NEGR1: variants seen among roughly 807,000 people sequenced by gnomAD.
NEGR1 encodes the protein IgLON family member 4.
Under a neutral mutation model 40.9 loss-of-function variants are expected in NEGR1, and 10 were observed. The observed-to-expected ratio is 0.24, with a 90% CI of 0.15 to 0.42. The LOEUF (loss-of-function observed/expected upper bound fraction) is 0.42. NEGR1 is among the 10% of genes least tolerant of loss of function. The pLI is 1.00. For synonymous variants in NEGR1, 185 were observed against 166.8 expected, an observed-to-expected ratio of 1.11 and a Z score of -0.84; for missense variants, 352 against 438.9, an observed-to-expected ratio of 0.80 and a Z score of 1.77.
At chr1:71,508,071 T>C (rs1557549801) in intron 6 of NEGR1, among the ~76,000 whole-genome samples, 1 of 152,164 alleles carries the variant, frequency 6.6e-6, no homozygotes, top group Non-Finnish European at 1.5e-5. Context: ...TAAGAAATTA[T>C]ATACTGGCCC....
At chr1:71,632,992 T>G (rs1339550318) in intron 4 of NEGR1, among the ~76,000 whole-genome samples, 1 of 152,116 alleles carries the variant, frequency 6.6e-6, no homozygotes, top group African/African-American at 2.4e-5. Context: ...ATGAATTAAT[T>G]AATCAGGTAT....
intron 4 of NEGR1, among the ~76,000 whole-genome samples, chr1:71,627,141 A>G (rs1428381624): frequency 6.6e-6 from 1 of 152,128 alleles, no homozygotes; most frequent in African/African-American, 2.4e-5. Flanking sequence ...CCATCCCATT[A>G]CTGGGTATAT....
At chr1:71,638,764 C>T (rs1041676) in intron 4 of NEGR1, among the ~76,000 whole-genome samples, 38,126 of 151,696 alleles carry the variant, frequency 0.25, 5,881 homozygotes, top group East Asian at 0.48. Context: ...CAGAGAAGAA[C>T]GTTATTAATA....
At chr1:71,444,805 A>G (rs1397454481) in intron 6 of NEGR1, among the ~76,000 whole-genome samples, 2 of 152,200 alleles carry the variant, frequency 1.3e-5, no homozygotes, top group African/African-American at 4.8e-5. Context: ...TAGTCACATG[A>G]CATGATATAT....
At chr1:71,778,792 T>C (rs190475300) in intron 2 of NEGR1, among the ~76,000 whole-genome samples, 138 of 152,326 alleles carry the variant, frequency 9.1e-4, no homozygotes, top group Non-Finnish European at 1.4e-3. Context: ...GTCAATACTG[T>C]CTGATCAAAA....
intron 6 of NEGR1, among the ~76,000 whole-genome samples, chr1:71,443,046 T>C (rs1228976576): frequency 1.3e-5 from 2 of 152,222 alleles, no homozygotes; most frequent in African/African-American, 4.8e-5. Flanking sequence ...TTGAGTAATA[T>C]TTGTTCACCT....
intron 2 of NEGR1, among the ~76,000 whole-genome samples, chr1:71,908,027 G>C (rs1661324526): frequency 1.3e-5 from 2 of 152,042 alleles, no homozygotes; most frequent in Admixed American, 1.3e-4. Flanking sequence ...AGGGGAGCAA[G>C]GTTTGAAAAA....
intron 4 of NEGR1, among the ~76,000 whole-genome samples, chr1:71,626,839 T>C (rs761712624): frequency 2.3e-4 from 35 of 152,032 alleles, no homozygotes; most frequent in Non-Finnish European, 4.3e-4. Flanking sequence ...GGGTGAAGGA[T>C]ATGAACAGAC....
intron 2 of NEGR1, among the ~76,000 whole-genome samples, chr1:71,802,004 T>C (rs1338132957): frequency 2.7e-4 from 41 of 152,184 alleles, no homozygotes; most frequent in Admixed American, 2.7e-3. Flanking sequence ...TATCAGAGAC[T>C]GAAAGAAAAA....
At chr1:71,642,688 T>C (rs1651394824) in intron 4 of NEGR1, among the ~76,000 whole-genome samples, 1 of 152,070 alleles carries the variant, frequency 6.6e-6, no homozygotes, top group African/African-American at 2.4e-5. Context: ...TAATCTGCTT[T>C]TTCATTTGTT....
At chr1:71,558,397 A>C in intron 6 of NEGR1, among the ~76,000 whole-genome samples, 1 of 151,604 alleles carries the variant, frequency 6.6e-6, no homozygotes, top group East Asian at 1.9e-4. Context: ...GTATCATTAT[A>C]CGTCAGCAAA....
At chr1:71,438,163 T>A (rs1310947309) in intron 6 of NEGR1, among the ~76,000 whole-genome samples, 1 of 152,230 alleles carries the variant, frequency 6.6e-6, no homozygotes, top group Admixed American at 6.5e-5. Context: ...GTTTATGTAT[T>A]CTTTATAAGC....
At chr1:71,510,586 T>G (rs1647066046) in intron 6 of NEGR1, among the ~76,000 whole-genome samples, 1 of 151,956 alleles carries the variant, frequency 6.6e-6, no homozygotes, top group South Asian at 2.1e-4. Context: ...ATTGGGAAAT[T>G]GAAACTTAAG....
intron 1 of NEGR1, among the ~76,000 whole-genome samples, chr1:71,970,165 G>A (rs755937317): frequency 2.0e-5 from 3 of 152,118 alleles, no homozygotes; most frequent in African/African-American, 4.8e-5. Context: ...CTGGCAGAAA[G>A]AGTGTTGTCA....
intron 4 of NEGR1, among the ~76,000 whole-genome samples, chr1:71,687,735 A>T (rs1307185506): frequency 6.6e-6 from 1 of 152,152 alleles, no homozygotes; most frequent in Admixed American, 6.6e-5. Context: ...CTCTCTTCTC[A>T]TCCTGCAGAG....
At chr1:71,833,985 C>T (rs1439776548) in intron 2 of NEGR1, among the ~76,000 whole-genome samples, 1 of 152,020 alleles carries the variant, frequency 6.6e-6, no homozygotes, top group African/African-American at 2.4e-5. Flanking sequence ...ATAATAGTGC[C>T]AAGCACAGGG....
At chr1:72,081,374 C>G (rs1322542977) in intron 1 of NEGR1, among the ~76,000 whole-genome samples, 1 of 152,060 alleles carries the variant, frequency 6.6e-6, no homozygotes, top group Non-Finnish European at 1.5e-5. Context: ...CCCTCTGAAT[C>G]AAAGATTCTA....
chr1:71,642,704 A>C (rs1176241970), intron 4 of NEGR1, among the ~76,000 whole-genome samples: 1 of 151,992 alleles, frequency 6.6e-6, no homozygotes, highest in Non-Finnish European at 1.5e-5. Flanking sequence ...TTGTTTACTC[A>C]GTAGACTCAC....
chr1:71,442,226 CTTTTTTTTT>C (rs35594326), intron 6 of NEGR1, among the ~76,000 whole-genome samples: 1 of 84,984 alleles, frequency 1.2e-5, no homozygotes, highest in Non-Finnish European at 2.2e-5. Context: ...GGTAGCATTC[CTTTTTTTTT>C]TTTTTTTTTT....
Sources: allele counts gnomAD v4.1 joint callset (sites outside exome capture counted in the v4.1 genomes callset), GRCh38; gene constraint gnomAD v4.1.1; transcripts MANE v1.5; gene names NCBI Gene and HGNC (gene_info 2026-07-23, HGNC 2026-07-21).